Variants in OIP5 observed in about 807,000 individuals in gnomAD.
The protein encoded by OIP5 is protein Mis18-beta.
A neutral mutation model predicts 20.3 loss-of-function variants in OIP5; 24 were observed. The observed-to-expected ratio is 1.18, with a 90% CI of 0.86 to 1.66. The LOEUF is 1.66. OIP5 is among the 40% of genes most tolerant of loss of function. The probability of loss-of-function intolerance (pLI) is 0.00; values close to 1 mark genes in which losing one functional copy is unlikely to be tolerated. For synonymous variants in OIP5, 143 were observed against 121.3 expected (o/e 1.18, Z -1.17); for missense variants, 339 against 289.5 (o/e 1.17, Z -1.24).
At chr15:41,315,681 A>G (rs2047784969) in intron 3 of OIP5, among the ~76,000 whole-genome samples, 1 of 152,224 alleles carries the variant, frequency 6.6e-6, no homozygotes. Context: ...TTTCAAATTT[A>G]TGTTAAAAAT....
chr15:41,332,032 G>A (rs768396409), intron 1 of OIP5, 51 bp from the exon 2 acceptor site: 2 of 1,560,352 alleles, frequency 1.3e-6, no homozygotes, highest in African/African-American at 2.7e-5. Context: ...CCTTGAAATG[G>A]AAAATCTCTC....
At chr15:41,320,789 G>C (rs1273126262) in intron 2 of OIP5, among the ~76,000 whole-genome samples, 2 of 150,860 alleles carry the variant, frequency 1.3e-5, no homozygotes, top group Non-Finnish European at 2.9e-5. Context: ...GCCCAGTCTG[G>C]AAAGTGAGGA....
rs759985973 is a variant in OIP5 at position 41,332,233 on chromosome 15, C to T, written c.322+7G>A. 4.6e-6 allele frequency: 7 copies of T among 1,537,854 alleles called. No homozygotes were observed. Among genetic ancestry groups the T allele is most frequent in the Non-Finnish European group, 6.1e-6 (7 of 1,144,910 alleles). ...TCTGCCTTTCCCGAACGCTTCACTG[C>T]ACTCACTGGAGAAGACCACGGCCCC... is the stretch of plus-strand genomic sequence containing the variant. On this transcript the variant is annotated splice_region_variant and intron_variant, in intron 1 of 4. Coordinates refer to ENST00000220514, the MANE Select transcript of OIP5 (RefSeq NM_007280.2).
intron 3 of OIP5, among the ~76,000 whole-genome samples, chr15:41,318,257 G>C (rs1375668262): frequency 6.6e-6 from 1 of 152,164 alleles, no homozygotes; most frequent in East Asian, 1.9e-4. Flanking sequence ...CCGCCTCCTG[G>C]GTTCAAGCAA....
At chr15:41,330,160 G>A (rs921910644) in intron 2 of OIP5, among the ~76,000 whole-genome samples, 14 of 151,862 alleles carry the variant, frequency 9.2e-5, no homozygotes, top group South Asian at 2.1e-4. Context: ...GCGTGAACTC[G>A]GCTCACCACA....
At chr15:41,310,551 C>A (rs2047747589) in intron 4 of OIP5, among the ~76,000 whole-genome samples, 1 of 151,794 alleles carries the variant, frequency 6.6e-6, no homozygotes, top group African/African-American at 2.4e-5. Context: ...AATGAGTGAA[C>A]CCAGGAGGCA....
intron 3 of OIP5, among the ~76,000 whole-genome samples, chr15:41,316,190 A>G (rs776063763): frequency 5.9e-5 from 9 of 152,050 alleles, no homozygotes; most frequent in Non-Finnish European, 1.0e-4. Context: ...TAATGCCTGT[A>G]ATCTTAACAT....
chr15:41,326,721 C>T (rs576584942), intron 2 of OIP5, among the ~76,000 whole-genome samples: 58 of 152,276 alleles, frequency 3.8e-4, no homozygotes, highest in Non-Finnish European at 5.4e-4. Flanking sequence ...CCACCGTGCC[C>T]GGCCCCATGT....
intron 2 of OIP5, among the ~76,000 whole-genome samples, chr15:41,328,841 C>G (rs1469625560): frequency 6.6e-6 from 1 of 151,970 alleles, no homozygotes; most frequent in African/African-American, 2.4e-5. Context: ...AGGTGGATCA[C>G]AAGGTCAGAA....
At position 41,309,860 on chromosome 15, in the gene OIP5, A is replaced by G. The variant is rs748585712; in HGVS notation, c.595-11T>C. On this transcript the variant is annotated splice_polypyrimidine_tract_variant and intron_variant, in intron 4 of 4. Coordinates refer to ENST00000220514, the MANE Select transcript of OIP5 (RefSeq NM_007280.2). ...TATCTTCTCTTTCAGCTAGGAAGAGAAATATATAGATATCAGGGCATCTTT... is the reference window on the plus strand; with the variant it reads ...TATCTTCTCTTTCAGCTAGGAAGAGGAATATATAGATATCAGGGCATCTTT... 71 of 1,567,564 alleles carry G rather than the reference A, an allele frequency of 4.5e-5. No homozygotes were observed. In the Admixed American group the frequency reaches 1.2e-3, roughly 26 times the overall value.
At chr15:41,328,308 CATG>C (rs2047874238) in intron 2 of OIP5, among the ~76,000 whole-genome samples, 1 of 152,178 alleles carries the variant, frequency 6.6e-6, no homozygotes, top group African/African-American at 2.4e-5. Context: ...CGTGAGCCAG[CATG>C]ATAAGCCAAC....
chr15:41,331,234 A>C (rs2047905767), intron 2 of OIP5, among the ~76,000 whole-genome samples: 1 of 152,196 alleles, frequency 6.6e-6, no homozygotes, highest in African/African-American at 2.4e-5. Context: ...GTCACTTGTA[A>C]ATCATAGTAC....
intron 3 of OIP5, among the ~76,000 whole-genome samples, chr15:41,317,657 G>A (rs2047796443): frequency 6.6e-6 from 1 of 152,088 alleles, no homozygotes; most frequent in African/African-American, 2.4e-5. Context: ...TGGGGTTACA[G>A]GCGTGAGCTA....
At chr15:41,318,741 G>A (rs1180380037) in intron 3 of OIP5, among the ~76,000 whole-genome samples, 1 of 147,718 alleles carries the variant, frequency 6.8e-6, no homozygotes, top group Non-Finnish European at 1.5e-5. Context: ...GTCACCCAAA[G>A]TGGAATGCAG....
At chr15:41,331,481 G>A (rs1468103467) in intron 2 of OIP5, among the ~76,000 whole-genome samples, 3 of 152,184 alleles carry the variant, frequency 2.0e-5, no homozygotes, top group African/African-American at 7.2e-5. Context: ...CTACTCCGGA[G>A]GGTGAGGTTG....
chr15:41,319,906 G>A, intron 2 of OIP5, 126 bp from the exon 3 acceptor site: 1 of 710,576 alleles, frequency 1.4e-6, no homozygotes, highest in Non-Finnish European at 2.2e-6. Flanking sequence ...ATAGGAATGA[G>A]ACGGAAAGAA....
In OIP5 at chr15:41,325,576, C is replaced by T. The variant is rs2047856533; in HGVS notation, c.390-5796G>A. ...AAAAAAATGCAGTCCCTGGGCTGGG[C>T]GCAGTGGCTCACACCCGTAATCCCA... On this transcript the variant is annotated intron_variant, in intron 2 of 4. Transcript: ENST00000220514. 2.6e-5 allele frequency among the ~76,000 whole-genome samples: 4 copies of T among 151,068 alleles called. No individual in the cohort carries two copies. The South Asian group carries it at 6.3e-4, about 24-fold the overall frequency.
intron 2 of OIP5, among the ~76,000 whole-genome samples, chr15:41,323,483 T>C (rs1274912277): frequency 6.6e-6 from 1 of 152,162 alleles, no homozygotes; most frequent in African/African-American, 2.4e-5. Flanking sequence ...CAAGAAAGCC[T>C]GTCCTTTGAA....
At chr15:41,325,395 G>T (rs2047855296) in intron 2 of OIP5, among the ~76,000 whole-genome samples, 1 of 151,950 alleles carries the variant, frequency 6.6e-6, no homozygotes, top group African/African-American at 2.4e-5. Context: ...GACAGAGCGA[G>T]CCTCCGTCTC....
Sources: allele counts gnomAD v4.1 joint callset (sites outside exome capture counted in the v4.1 genomes callset), GRCh38; gene constraint gnomAD v4.1.1; transcripts MANE v1.5; gene names NCBI Gene and HGNC (gene_info 2026-07-23, HGNC 2026-07-21).